Variants in PALM2AKAP2 observed in about 807,000 individuals in gnomAD.
PALM2AKAP2 encodes the protein PALM2-AKAP2 fusion protein.
In PALM2AKAP2, 37 loss-of-function variants were observed where a neutral mutation model predicts 71.5. That is an observed-to-expected ratio of 0.52 (90% CI 0.40 to 0.68). The LOEUF (loss-of-function observed/expected upper bound fraction) is 0.68. Among genes scored for constraint, PALM2AKAP2 ranks in the 30% least tolerant of loss-of-function variants. The probability of loss-of-function intolerance (pLI) is 0.00; values close to 1 mark genes in which losing one functional copy is unlikely to be tolerated. For synonymous variants in PALM2AKAP2, 468 were observed against 478.8 expected, an observed-to-expected ratio of 0.98 and a Z score of 0.29; for missense variants, 1,224 against 1,191.8, an observed-to-expected ratio of 1.03 and a Z score of -0.40.
intron 1 of PALM2AKAP2, among the ~76,000 whole-genome samples, chr9:110,061,693 C>T (rs894163303): frequency 3.3e-5 from 5 of 150,648 alleles, no homozygotes; most frequent in African/African-American, 9.8e-5. Flanking sequence ...TACACACCAC[C>T]ACGCCTGGCT....
At chr9:109,941,074 C>G (rs2132036519) in intron 6 of PALM2AKAP2, among the ~76,000 whole-genome samples, 1 of 151,208 alleles carries the variant, frequency 6.6e-6, no homozygotes, top group Non-Finnish European at 1.5e-5. Context: ...TCCTCCCTCT[C>G]TTTCTTCTTC....
intron 1 of PALM2AKAP2, among the ~76,000 whole-genome samples, chr9:110,120,628 C>T (rs904440588): frequency 5.3e-5 from 8 of 152,224 alleles, no homozygotes; most frequent in African/African-American, 1.4e-4. Context: ...CTCAGCCTCC[C>T]GAGTAGCTGG....
chr9:109,726,826 A>G (rs1049422211), intron 1 of PALM2AKAP2, among the ~76,000 whole-genome samples: 3 of 152,232 alleles, frequency 2.0e-5, no homozygotes, highest in African/African-American at 7.2e-5. Context: ...TTAAAAGTAA[A>G]TAAAATTTAA....
chr9:109,877,141 G>A (rs557879095), intron 2 of PALM2AKAP2, among the ~76,000 whole-genome samples: 5 of 152,250 alleles, frequency 3.3e-5, no homozygotes, highest in South Asian at 4.1e-4. Flanking sequence ...CCACACCAAC[G>A]CCAAGGCTTC....
chr9:109,701,290 A>G (rs1828051597), intron 1 of PALM2AKAP2, among the ~76,000 whole-genome samples: 1 of 152,246 alleles, frequency 6.6e-6, no homozygotes, highest in Non-Finnish European at 1.5e-5. Flanking sequence ...TGCCAAGTCA[A>G]TCCTAAGCCA....
intron 1 of PALM2AKAP2, among the ~76,000 whole-genome samples, chr9:109,686,790 T>C (rs1827811270): frequency 6.6e-6 from 1 of 152,036 alleles, no homozygotes; most frequent in South Asian, 2.1e-4. Flanking sequence ...ACTCCTCATT[T>C]AACATTAGGT....
At chr9:109,652,701 C>T (rs1210805217) in intron 1 of PALM2AKAP2, among the ~76,000 whole-genome samples, 1 of 152,142 alleles carries the variant, frequency 6.6e-6, no homozygotes, top group Admixed American at 6.5e-5. Context: ...TTATTAAGTA[C>T]CTGGTATGTG....
chr9:109,874,952 G>A (rs1434778379), intron 2 of PALM2AKAP2, among the ~76,000 whole-genome samples: 2 of 152,160 alleles, frequency 1.3e-5, no homozygotes, highest in African/African-American at 4.8e-5. Context: ...CTTGAACCAT[G>A]CAATAAACTC....
At chr9:110,035,572 GT>G (rs1833382112) in intron 7 of PALM2AKAP2, among the ~76,000 whole-genome samples, 1 of 139,408 alleles carries the variant, frequency 7.2e-6, no homozygotes, top group Non-Finnish European at 1.5e-5. Context: ...TATAGGATAT[GT>G]TGTGTTATAT....
At chr9:109,914,169 C>T (rs982392287) in intron 3 of PALM2AKAP2, among the ~76,000 whole-genome samples, 4 of 152,180 alleles carry the variant, frequency 2.6e-5, no homozygotes, top group Non-Finnish European at 5.9e-5. Context: ...TCCTTAGGGA[C>T]CCAGACCTGT....
chr9:109,954,948 A>G (rs907122235), intron 6 of PALM2AKAP2, among the ~76,000 whole-genome samples: 4 of 152,124 alleles, frequency 2.6e-5, no homozygotes, highest in African/African-American at 9.7e-5. Flanking sequence ...GTGGTTGCTA[A>G]CTTTAGAGGA....
intron 1 of PALM2AKAP2, among the ~76,000 whole-genome samples, chr9:109,827,414 G>T (rs1423521219): frequency 6.6e-6 from 1 of 152,094 alleles, no homozygotes; most frequent in Non-Finnish European, 1.5e-5. Context: ...TTTGAGAGCA[G>T]CCTCCCCAAT....
intron 1 of PALM2AKAP2, among the ~76,000 whole-genome samples, chr9:109,728,555 A>G (rs1314558191): frequency 2.0e-5 from 3 of 152,222 alleles, no homozygotes; most frequent in East Asian, 1.9e-4. Flanking sequence ...TGAAGCTTTG[A>G]CGAATCAGTC....
chr9:109,742,714 T>A (rs1416505649), intron 1 of PALM2AKAP2, among the ~76,000 whole-genome samples: 2 of 152,190 alleles, frequency 1.3e-5, no homozygotes, highest in African/African-American at 4.8e-5. Flanking sequence ...CCTTACATGG[T>A]TAACTTAGCT....
chr9:109,726,600 C>T (rs1004050802), intron 1 of PALM2AKAP2, among the ~76,000 whole-genome samples: 2 of 152,176 alleles, frequency 1.3e-5, no homozygotes, highest in East Asian at 1.9e-4. Flanking sequence ...AACTAAGAAT[C>T]CTCACTAATA....
chr9:110,091,410 G>C (rs887087561), intron 1 of PALM2AKAP2, among the ~76,000 whole-genome samples: 2 of 149,598 alleles, frequency 1.3e-5, no homozygotes, highest in African/African-American at 5.0e-5. Context: ...TGGGGTGTGT[G>C]TGTGTGTGTG....
chr9:109,786,190 C>G (rs1249271865), intron 1 of PALM2AKAP2, among the ~76,000 whole-genome samples: 1 of 152,234 alleles, frequency 6.6e-6, no homozygotes, highest in East Asian at 1.9e-4. Flanking sequence ...AGTGTGGGGC[C>G]AGTGGCCAAG....
chr9:109,644,836 A>G (rs540457967), intron 1 of PALM2AKAP2, among the ~76,000 whole-genome samples: 9 of 152,290 alleles, frequency 5.9e-5, no homozygotes, highest in Middle Eastern at 3.4e-3. Context: ...CCAGTTCCCA[A>G]CAAAATTTTC....
chr9:109,666,276 T>C (rs1012649364), intron 1 of PALM2AKAP2, among the ~76,000 whole-genome samples: 3 of 152,202 alleles, frequency 2.0e-5, no homozygotes, highest in African/African-American at 7.2e-5. Context: ...GCATTGATCA[T>C]GCTAGGAGCT....
Sources: allele counts gnomAD v4.1 joint callset (sites outside exome capture counted in the v4.1 genomes callset), GRCh38; gene constraint gnomAD v4.1.1; transcripts MANE v1.5; gene names NCBI Gene and HGNC (gene_info 2026-07-23, HGNC 2026-07-21).